The following RBM33 variants were observed in gnomAD, a reference collection of about 807,000 sequenced individuals.
RBM33 encodes the protein RNA-binding protein 33.
In RBM33, 28 loss-of-function variants were observed where a neutral mutation model predicts 132.6. That is an observed-to-expected ratio of 0.21 (90% CI 0.16 to 0.29). The LOEUF (loss-of-function observed/expected upper bound fraction) is 0.29. Ranked by LOEUF, RBM33 falls within the 10% of genes least tolerant of loss-of-function variation. The probability of loss-of-function intolerance (pLI) is 1.00; values close to 1 mark genes in which losing one functional copy is unlikely to be tolerated. For synonymous variants in RBM33, 634 were observed against 593.0 expected (o/e 1.07, Z -1.01); for missense variants, 1,291 against 1,518.5 (o/e 0.85, Z 2.49).
At chr7:155,713,654 A>G (rs554335412) in intron 8 of RBM33, among the ~76,000 whole-genome samples, 7 of 152,220 alleles carry the variant, frequency 4.6e-5, no homozygotes, top group African/African-American at 1.7e-4. Flanking sequence ...CCTGGCTGAG[A>G]TGGGGCACGG....
chr7:155,666,157 T>C (rs561319081), intron 2 of RBM33, among the ~76,000 whole-genome samples: 1 of 152,164 alleles, frequency 6.6e-6, no homozygotes, highest in Admixed American at 6.5e-5. Context: ...CTCACGTGAT[T>C]ATGGAGACTG....
chr7:155,757,273 C>G (rs1481071615), intron 14 of RBM33, among the ~76,000 whole-genome samples: 1 of 152,116 alleles, frequency 6.6e-6, no homozygotes, highest in Non-Finnish European at 1.5e-5. Context: ...CTAGTGTGAA[C>G]TGGAGTAAAA....
chr7:155,737,243 C>T (rs920495518), intron 9 of RBM33, among the ~76,000 whole-genome samples: 5 of 129,992 alleles, frequency 3.8e-5, no homozygotes, highest in Non-Finnish European at 6.4e-5. Context: ...CATCTAGGTG[C>T]GCGTGTGTGT....
intron 1 of RBM33, among the ~76,000 whole-genome samples, chr7:155,663,469 G>C (rs1203213089): frequency 6.6e-6 from 1 of 152,026 alleles, no homozygotes; most frequent in Admixed American, 6.5e-5. Context: ...AGGGTGAGCA[G>C]AGGCGGGGAG....
intron 2 of RBM33, among the ~76,000 whole-genome samples, chr7:155,669,877 T>C (rs1018647896): frequency 1.3e-5 from 2 of 152,144 alleles, no homozygotes; most frequent in Non-Finnish European, 2.9e-5. Flanking sequence ...GGTGACGTTA[T>C]GTTGGTGCGT....
chr7:155,760,884 G>T (rs1311073152), intron 14 of RBM33, among the ~76,000 whole-genome samples: 1 of 152,170 alleles, frequency 6.6e-6, no homozygotes, highest in Admixed American at 6.5e-5. Context: ...TGGATTTTGC[G>T]AGCGGTCTGC....
In RBM33 at chr7:155,763,918, G is replaced by T. The variant is rs778763004; in HGVS notation, c.3086G>T (p.Gly1029Val). The change falls in exon 15 of 18, where the codon GGG becomes GTG. Residue 1029 changes from glycine (G) to valine (V), a missense_variant. Coordinates refer to ENST00000401878, the MANE Select transcript of RBM33 (RefSeq NM_053043.3). ...QPARKVTLTR[G>V]GLQQPPHLPA... ...GCCCGCAAGGTGACGCTGACCAGGG[G>T]GGGCCTCCAGCAGCCCCCACATCTG... is the stretch of plus-strand genomic sequence containing the variant. 2.0e-5 allele frequency: 32 copies of T among 1,606,806 alleles called. No individual in the cohort carries two copies. The highest frequency in any genetic ancestry group is 2.5e-5 in the Non-Finnish European group (30 of 1,176,930).
Position 155,775,049 on chromosome 7 carries a change from CAA to C in RBM33, c.*9_*10del, listed in dbSNP as rs1802557883. The C allele has an allele frequency of 2.5e-6, 4 of 1,611,466 alleles. No homozygotes were observed. Among genetic ancestry groups the C allele is most frequent in the African/African-American group, 1.3e-5 (1 of 74,956 alleles). ...GCCCTGATCGTGGAGTGAGTCCTAA[CAA>C]GAGAGCCTGACCTTAGGCTGTACAC... is the stretch of plus-strand genomic sequence containing the variant. On this transcript the variant is annotated 3_prime_UTR_variant, in exon 18 of 18. Coordinates refer to ENST00000401878, the MANE Select transcript of RBM33 (RefSeq NM_053043.3).
chr7:155,756,992 C>T (rs1801872909), intron 14 of RBM33, among the ~76,000 whole-genome samples: 1 of 152,152 alleles, frequency 6.6e-6, no homozygotes, highest in South Asian at 2.1e-4. Flanking sequence ...GTAACGCTTG[C>T]CTACTTCTTG....
chr7:155,708,957 C>G (rs9692391), intron 7 of RBM33, among the ~76,000 whole-genome samples: 1 of 151,900 alleles, frequency 6.6e-6, no homozygotes, highest in Non-Finnish European at 1.5e-5. Flanking sequence ...GGATTCCGTT[C>G]TGTTCCCTGT....
Position 155,706,911 on chromosome 7 carries a change from G to T in RBM33, c.791G>T (p.Arg264Leu). ...TTGCTTGAATTTGAAGAAAGGGAGC[G>T]ACAGCATAAACAAGGACGCTACAGC... ...AALLEFEERE[R>L]QHKQGRYSSR... The change falls in exon 7 of 18, where the codon CGA (arginine) becomes CTA (leucine). Residue 264 changes from arginine to leucine, a missense_variant. Physicochemically the swap from Arg to Leu is moderately radical, Grantham distance 102 (BLOSUM62 -2). This residue lies in a region of RBM33 where 34 missense variants were observed against 46.5 expected (regional missense o/e 0.73). Transcript: ENST00000401878. The T allele has an allele frequency of 6.2e-7, 1 of 1,607,372 alleles. No individual in the cohort carries two copies.
At chr7:155,769,625 TCTGA>T (rs1282583967) in intron 16 of RBM33, among the ~76,000 whole-genome samples, 1 of 151,760 alleles carries the variant, frequency 6.6e-6, no homozygotes, top group Non-Finnish European at 1.5e-5. Flanking sequence ...CATCTCGGCG[TCTGA>T]CTGACTGATT....
At chr7:155,666,157 T>A (rs561319081) in intron 2 of RBM33, among the ~76,000 whole-genome samples, 1 of 152,282 alleles carries the variant, frequency 6.6e-6, no homozygotes, top group South Asian at 2.1e-4. Flanking sequence ...CTCACGTGAT[T>A]ATGGAGACTG....
intron 2 of RBM33, among the ~76,000 whole-genome samples, chr7:155,665,576 C>T (rs777728376): frequency 6.6e-6 from 1 of 152,198 alleles, no homozygotes; most frequent in Non-Finnish European, 1.5e-5. Context: ...GTTCTTTAAG[C>T]TCTACTTTGT....
chr7:155,738,198 C>T lies in RBM33; in HGVS notation c.1532C>T (p.Pro511Leu). ...QSPLPFTQPG[P>L]AFNQQGQQPV... ...CCTCTACCATTCACTCAGCCAGGAC[C>T]AGCATTTAATCAGCAAGGACAGCAG... Residue 511 changes from proline (P) to leucine (L), a missense_variant, in exon 11 of 18, where the codon CCA becomes CTA. Coordinates refer to ENST00000401878, the MANE Select transcript of RBM33 (RefSeq NM_053043.3). 1.9e-6 allele frequency: 3 copies of T among 1,613,992 alleles called. No homozygotes were observed. The highest frequency in any genetic ancestry group is 2.2e-5 in the South Asian group (2 of 91,064).
chr7:155,776,963 A>T lies in RBM33; in HGVS notation c.*1922A>T, dbSNP rs1450954375. 1 of 151,574 alleles carries T rather than the reference A, an allele frequency of 6.6e-6. No individual in the cohort carries two copies. The highest frequency in any genetic ancestry group is 1.9e-4 in the East Asian group (1 of 5,154). The allele number at this position is 151,574 out of a possible 1,614,324, so 9.4% of individuals were successfully genotyped here. On this transcript the variant is annotated 3_prime_UTR_variant, in exon 18 of 18. Transcript: ENST00000401878. The surrounding 1 kb of genome is among the most constrained non-coding windows in gnomAD (Gnocchi z 4.0). ...GCTCTAATTAAGAGAGATCCAAACC[A>T]CTCAGTACCCACTGGGCAGTGGGAA...
chr7:155,680,275 T>A (rs1293162771), intron 4 of RBM33, among the ~76,000 whole-genome samples: 1 of 152,186 alleles, frequency 6.6e-6, no homozygotes, highest in Non-Finnish European at 1.5e-5. Context: ...CACTCAGATG[T>A]GTTTCATCTG....
intron 8 of RBM33, among the ~76,000 whole-genome samples, chr7:155,713,315 A>T (rs910573738): frequency 6.6e-6 from 1 of 151,956 alleles, no homozygotes; most frequent in Admixed American, 6.6e-5. Flanking sequence ...GTTGTTGGTG[A>T]ATAGGTGGAT....
chr7:155,738,288 T>A lies in RBM33; in HGVS notation c.1622T>A (p.Leu541Gln), dbSNP rs376566304. 168 of 1,613,870 alleles carry A rather than the reference T, an allele frequency of 1.0e-4. No homozygotes were observed. Among genetic ancestry groups the A allele is most frequent in the Non-Finnish European group, 1.3e-4 (155 of 1,179,902 alleles). The change falls in exon 11 of 18, where the codon CTG becomes CAG. Residue 541 changes from leucine to glutamine, a missense_variant. This residue lies in a region of RBM33 where 841 missense variants were observed against 912.0 expected (regional missense o/e 0.92). Transcript: ENST00000401878. Reference sequence around the variant, plus strand: ...CAGCCTCCAGGTCCGGTGGGGATTCTGCACTTTAGCCAGCCTGGGTCGGCA... The same window carrying A: ...CAGCCTCCAGGTCCGGTGGGGATTCAGCACTTTAGCCAGCCTGGGTCGGCA... The part of the protein sequence containing the change: ...ALQPPGPVGI[L>Q]HFSQPGSATT...
Sources: allele counts gnomAD v4.1 joint callset (sites outside exome capture counted in the v4.1 genomes callset), GRCh38; gene constraint gnomAD v4.1.1; regional missense constraint gnomAD v4.1.1; non-coding constraint Gnocchi (gnomAD v3.1); transcripts MANE v1.5; gene names NCBI Gene and HGNC (gene_info 2026-07-23, HGNC 2026-07-21).